ARHGAP15: variants seen among roughly 807,000 people sequenced by gnomAD.
ARHGAP15 encodes the protein Rho GTPase activating protein 15, also known as rho GTPase-activating protein 15.
ARHGAP15 carries 51 observed loss-of-function variants against 63.7 expected under a neutral mutation model. That is an observed-to-expected ratio of 0.80 (90% confidence interval 0.64 to 1.01). The LOEUF is 1.01. Ranked by LOEUF, ARHGAP15 falls within the 50% of genes least tolerant of loss-of-function variation. The pLI is 0.00. For synonymous variants in ARHGAP15, 191 were observed against 193.8 expected, an observed-to-expected ratio of 0.99 and a Z score of 0.12; for missense variants, 560 against 564.6, an observed-to-expected ratio of 0.99 and a Z score of 0.08.
intron 1 of ARHGAP15, among the ~76,000 whole-genome samples, chr2:143,134,254 T>C (rs1689043318): frequency 6.6e-6 from 1 of 152,224 alleles, no homozygotes; most frequent in Admixed American, 6.5e-5. Flanking sequence ...GATAAAATAA[T>C]TTTGATAGTT....
rs1259165597 is a variant in ARHGAP15, at chr2:143,382,123, C to CTCCTCCCTTCCTTTCTTTCT, written c.475-53464_475-53445dup. 4.0e-5 allele frequency among the ~76,000 whole-genome samples: 5 copies of CTCCTCCCTTCCTTTCTTTCT among 125,416 alleles called. No homozygotes were observed. In the East Asian group the frequency reaches 1.1e-3, roughly 28 times the overall value. 82.3% of individuals were successfully genotyped at this position (125,416 alleles called of 152,430 possible). A position where few individuals can be genotyped will look rare whatever the true frequency, so the allele number is the denominator to read the frequency against. On this transcript the variant is annotated intron_variant, in intron 6 of 13. Transcript: ENST00000295095. ...CTCCCTTTCCTTCCTTCCTCCCTCC[C>CTCCTCCCTTCCTTTCTTTCT]TCCTCCCTTCCTTTCTTTCTTCCTC...
chr2:143,360,497 T>C (rs1160199571), intron 6 of ARHGAP15, among the ~76,000 whole-genome samples: 1 of 144,934 alleles, frequency 6.9e-6, no homozygotes, highest in Non-Finnish European at 1.5e-5. Flanking sequence ...ACGATATAAA[T>C]TTTAGCAAAA....
rs551030739 is a variant in ARHGAP15 at position 143,363,481 on chromosome 2, C to T, written c.475-72120C>T. Among the ~76,000 whole-genome samples the T allele has an allele frequency of 2.6e-5, 4 of 152,230 alleles. No individual in the cohort carries two copies. The East Asian group carries it at 7.7e-4, about 29-fold the overall frequency. On this transcript the variant is annotated intron_variant, in intron 6 of 13. Coordinates refer to ENST00000295095, the MANE Select transcript of ARHGAP15 (RefSeq NM_018460.4). ...CTGCACTCTGGCCTGGATAACAGAG[C>T]AAGACTCTGTCTTCAGAAAAGAAAA...
chr2:143,369,386 T>C (rs573960789), intron 6 of ARHGAP15, among the ~76,000 whole-genome samples: 1 of 152,250 alleles, frequency 6.6e-6, no homozygotes, highest in South Asian at 2.1e-4. Flanking sequence ...TGGCAAATTA[T>C]ATAAAATATA....
intron 2 of ARHGAP15, among the ~76,000 whole-genome samples, chr2:143,167,046 T>C (rs902888610): frequency 6.6e-6 from 1 of 152,156 alleles, no homozygotes; most frequent in African/African-American, 2.4e-5. Context: ...ATTTGATGTC[T>C]ATAACTATTT....
intron 8 of ARHGAP15, among the ~76,000 whole-genome samples, chr2:143,466,129 TCCCCAGGA>T (rs1691197829): frequency 6.6e-6 from 1 of 152,030 alleles, no homozygotes; most frequent in Admixed American, 6.6e-5. Flanking sequence ...CCAGCAAATA[TCCCCAGGA>T]TGGTAAAATT....
chr2:143,552,941 G>C (rs1695635788), intron 10 of ARHGAP15, among the ~76,000 whole-genome samples: 1 of 152,048 alleles, frequency 6.6e-6, no homozygotes, highest in Non-Finnish European at 1.5e-5. Flanking sequence ...AAAATCATAC[G>C]ACGTCTAATT....
intron 6 of ARHGAP15, among the ~76,000 whole-genome samples, chr2:143,330,109 A>C (rs1474117064): frequency 7.2e-5 from 6 of 83,828 alleles, no homozygotes; most frequent in African/African-American, 9.0e-5. Context: ...AAAAAAAAAA[A>C]AAAAAAAAAA....
intron 6 of ARHGAP15, among the ~76,000 whole-genome samples, chr2:143,350,590 G>C (rs1444733397): frequency 1.3e-5 from 2 of 150,844 alleles, no homozygotes; most frequent in African/African-American, 2.4e-5. Flanking sequence ...GAGGCCGAGG[G>C]GGGTGGATCA....
intron 6 of ARHGAP15, among the ~76,000 whole-genome samples, chr2:143,362,734 G>T (rs879166016): frequency 1.3e-5 from 2 of 151,990 alleles, no homozygotes; most frequent in Non-Finnish European, 2.9e-5. Flanking sequence ...TAACTACTTG[G>T]TTGTACAAGG....
At chr2:143,191,406 G>T (rs1691680853) in intron 2 of ARHGAP15, among the ~76,000 whole-genome samples, 1 of 152,152 alleles carries the variant, frequency 6.6e-6, no homozygotes, top group African/African-American at 2.4e-5. Flanking sequence ...ATTGAAGTTT[G>T]TGGTGAATTC....
chr2:143,334,921 G>A (rs992001995), intron 6 of ARHGAP15, among the ~76,000 whole-genome samples: 1 of 152,160 alleles, frequency 6.6e-6, no homozygotes, highest in East Asian at 1.9e-4. Context: ...TCTCGACTTT[G>A]CTATGCACAT....
At chr2:143,216,919 C>A (rs758072570) in intron 4 of ARHGAP15, among the ~76,000 whole-genome samples, 19 of 151,970 alleles carry the variant, frequency 1.3e-4, no homozygotes, top group Non-Finnish European at 2.6e-4. Context: ...GGAATAAGAA[C>A]CTTCAGAGAA....
At chr2:143,139,416 T>C (rs1471931705) in intron 1 of ARHGAP15, among the ~76,000 whole-genome samples, 2 of 152,140 alleles carry the variant, frequency 1.3e-5, no homozygotes, top group African/African-American at 4.8e-5. Flanking sequence ...GAGTCTTGTC[T>C]AGATTATGGC....
At chr2:143,677,198 A>C (rs1470765553) in intron 12 of ARHGAP15, among the ~76,000 whole-genome samples, 1 of 152,234 alleles carries the variant, frequency 6.6e-6, no homozygotes. Flanking sequence ...AAAAGAGATG[A>C]AATAGGGAAT....
intron 10 of ARHGAP15, among the ~76,000 whole-genome samples, chr2:143,527,262 TA>T (rs906706448): frequency 5.3e-5 from 8 of 152,066 alleles, no homozygotes; most frequent in African/African-American, 1.9e-4. Flanking sequence ...GAACATGACA[TA>T]TTTTTTTGTA....
intron 6 of ARHGAP15, among the ~76,000 whole-genome samples, chr2:143,348,022 A>G (rs982711264): frequency 6.6e-6 from 1 of 152,206 alleles, no homozygotes. Flanking sequence ...TTGACAAAGT[A>G]TCCATTTCAA....
rs563861830 is a variant in ARHGAP15 at position 143,635,417 on chromosome 2, C to T, written c.1138+11150C>T. Among the ~76,000 whole-genome samples the T allele has an allele frequency of 2.6e-5, 4 of 152,058 alleles. No homozygotes were observed. In the East Asian group the frequency reaches 7.8e-4, roughly 30 times the overall value. The stretch of plus-strand genomic sequence containing the variant: ...TCCTTTACCCAGTACTCTTGTTTGC[C>T]TACATTCAGTCAGACATTCTCATTT... On this transcript the variant is annotated intron_variant, in intron 12 of 13. Transcript: ENST00000295095.
chr2:143,650,969 G>A (rs1296711403), intron 12 of ARHGAP15, among the ~76,000 whole-genome samples: 1 of 151,854 alleles, frequency 6.6e-6, no homozygotes, highest in Admixed American at 6.6e-5. Context: ...TGTTCTAGAG[G>A]ACTCCTGCAG....
Sources: allele counts gnomAD v4.1 joint callset (sites outside exome capture counted in the v4.1 genomes callset), GRCh38; gene constraint gnomAD v4.1.1; transcripts MANE v1.5; gene names NCBI Gene and HGNC (gene_info 2026-07-23, HGNC 2026-07-21).